The following CXCR4 variants were observed in gnomAD, a reference collection of about 807,000 sequenced individuals.
CXCR4 encodes C-X-C chemokine receptor type 4.
CXCR4 carries 6 observed loss-of-function variants against 22.4 expected under a neutral mutation model. That is an observed-to-expected ratio of 0.27 (90% CI 0.15 to 0.53). CXCR4 has a LOEUF of 0.53. Ranked by LOEUF, CXCR4 falls within the 20% of genes least tolerant of loss-of-function variation. The pLI is 0.96. For synonymous variants in CXCR4, 155 were observed against 171.7 expected (o/e 0.90, Z 0.76); for missense variants, 300 against 430.4 (o/e 0.70, Z 2.68).
At chr2:136,116,066 G>A (rs1684881294) in intron 1 of CXCR4, 154 bp from the exon 2 acceptor site, 1 of 1,540,276 alleles carries the variant, frequency 6.5e-7, no homozygotes, top group African/African-American at 1.4e-5. Context: ...GAGAATTAAT[G>A]TAGAATCCTA....
chr2:136,116,196 C>A, intron 1 of CXCR4: 1 of 1,339,896 alleles, frequency 7.5e-7, no homozygotes, highest in Non-Finnish European at 9.7e-7. Context: ...TTCAAAGTCA[C>A]ATCTTGGCTA....
In CXCR4 at chr2:136,114,681, C is replaced by T. The variant is rs1480834025; in HGVS notation, c.*188G>A. ...TGGCCACAGGTCCTGCCTAGACACA[C>T]ATCAATATGAAACAAAAAAAATTTA... On this transcript the variant is annotated 3_prime_UTR_variant, in exon 2 of 2. Coordinates refer to ENST00000241393, the MANE Select transcript of CXCR4 (RefSeq NM_003467.3). 5.7e-6 allele frequency: 3 copies of T among 524,340 alleles called. No homozygotes were observed. Among genetic ancestry groups the T allele is most frequent in the Non-Finnish European group, 9.8e-6 (3 of 304,980 alleles). 32.5% of individuals were successfully genotyped at this position (524,340 alleles called of 1,614,324 possible). A position where few individuals can be genotyped will look rare whatever the true frequency, so the allele number is the denominator to read the frequency against.
intron 1 of CXCR4, among the ~76,000 whole-genome samples, chr2:136,117,340 T>C (rs1684927886): frequency 2.4e-5 from 2 of 84,516 alleles, no homozygotes; most frequent in East Asian, 3.4e-4. Flanking sequence ...AGAGGCGCGC[T>C]TCGGACGGCG....
At position 136,115,314 on chromosome 2, in the gene CXCR4, A is replaced by T. The variant is rs779132116; in HGVS notation, c.614T>A (p.Met205Lys). 1 of 1,614,226 alleles carries T rather than the reference A, an allele frequency of 6.2e-7. No homozygotes were observed. Residue 205 changes from methionine to lysine, a missense_variant, in exon 2 of 2, where the codon ATG (methionine) becomes AAG (lysine). This residue lies in a region of CXCR4 where 137 missense variants were observed against 153.2 expected (regional missense o/e 0.89). Transcript: ENST00000241393. This position sits in a 1 kb window ranked among gnomAD's most constrained non-coding sequence, Gnocchi z 6.4. ...WVVVFQFQHI[M>K]VGLILPGIVI... ...AATACCAGGCAGGATAAGGCCAACC[A>T]TGATGTGCTGAAACTGGAACACAAC... is the stretch of plus-strand genomic sequence containing the variant.
chr2:136,114,960 C>G lies in CXCR4; in HGVS notation c.968G>C (p.Gly323Ala). Residue 323 changes from glycine to alanine, a missense_variant, in exon 2 of 2, where the codon GGG becomes GCG. Physicochemically the swap from Gly to Ala is moderately conservative, Grantham distance 60. Transcript: ENST00000241393. ...AQHALTSVSR[G>A]SSLKILSKGK... ...TTTGGAGAGGATCTTGAGGCTGGAC[C>G]CTCTGCTCACAGAGGTGAGTGCGTG... 6.2e-7 allele frequency: 1 copy of G among 1,613,794 alleles called. No homozygotes were observed. Among genetic ancestry groups the G allele is most frequent in the Non-Finnish European group, 8.5e-7 (1 of 1,179,888 alleles).
chr2:136,117,983 G>C, intron 1 of CXCR4, 63 bp downstream of exon 1: 1 of 1,567,900 alleles, frequency 6.4e-7, no homozygotes, highest in South Asian at 1.1e-5. Flanking sequence ...GCTCGGAGAG[G>C]GGCTGCGCTC....
Position 136,115,153 on chromosome 2 carries a change from T to A in CXCR4, c.775A>T (p.Ile259Phe). The change falls in exon 2 of 2, where the codon ATC (isoleucine) becomes TTC (phenylalanine). Residue 259 changes from isoleucine to phenylalanine, a missense_variant. Physicochemically the swap from Ile to Phe is conservative, Grantham distance 21. This residue lies in a region of CXCR4 where 137 missense variants were observed against 153.2 expected (regional missense o/e 0.89). Coordinates refer to ENST00000241393, the MANE Select transcript of CXCR4 (RefSeq NM_003467.3). The surrounding 1 kb of genome is among the most constrained non-coding windows in gnomAD (Gnocchi z 6.4). ...AGGAGGATGAAGGAGTCGATGCTGATCCCAATGTAGTAAGGCAGCCAACAG... is the reference window on the plus strand; with the variant it reads ...AGGAGGATGAAGGAGTCGATGCTGAACCCAATGTAGTAAGGCAGCCAACAG... ...FACWLPYYIGISIDSFILLEI... is the reference protein window; with the variant it reads ...FACWLPYYIGFSIDSFILLEI... 1 of 1,614,192 alleles carries A rather than the reference T, an allele frequency of 6.2e-7. No individual in the cohort carries two copies. Among genetic ancestry groups the A allele is most frequent in the Non-Finnish European group, 8.5e-7 (1 of 1,180,022 alleles).
chr2:136,115,082 C>T lies in CXCR4; in HGVS notation c.846G>A (p.Lys282=), dbSNP rs766914563. The T allele has an allele frequency of 3.7e-6, 6 of 1,614,218 alleles. No homozygotes were observed. In the East Asian group the frequency reaches 8.9e-5, roughly 24 times the overall value. The change falls in exon 2 of 2, where the codon AAG becomes AAA. Residue 282 remains lysine, a synonymous_variant. Coordinates refer to ENST00000241393, the MANE Select transcript of CXCR4 (RefSeq NM_003467.3). This position sits in a 1 kb window ranked among gnomAD's most constrained non-coding sequence, Gnocchi z 6.4. ...CTAGGGCCTCGGTGATGGAAATCCA[C>T]TTGTGCACAGTGTTCTCAAACTCAC... ...QGCEFENTVH[K]WISITEALAF...
chr2:136,114,746 C>G lies in CXCR4; in HGVS notation c.*123G>C. 1.1e-6 allele frequency: 1 copy of G among 905,782 alleles called. No homozygotes were observed. Among genetic ancestry groups the G allele is most frequent in the South Asian group, 1.8e-5 (1 of 56,200 alleles). 56.1% of individuals were successfully genotyped at this position (905,782 alleles called of 1,614,324 possible). A position where few individuals can be genotyped will look rare whatever the true frequency, so the allele number is the denominator to read the frequency against. On this transcript the variant is annotated 3_prime_UTR_variant, in exon 2 of 2. Coordinates refer to ENST00000241393, the MANE Select transcript of CXCR4 (RefSeq NM_003467.3). ...TTAAACTTCACAAAAACTAAAGAAA[C>G]ACAAGACAAAAATCCAACAAGCAAT...
At chr2:136,116,804 G>A (rs900998051) in intron 1 of CXCR4, among the ~76,000 whole-genome samples, 1 of 152,260 alleles carries the variant, frequency 6.6e-6, no homozygotes, top group Non-Finnish European at 1.5e-5. Context: ...CCCGGCCGGA[G>A]GTGGGCAGCT....
chr2:136,117,400 G>A (rs560218129), intron 1 of CXCR4: 2 of 152,414 alleles, frequency 1.3e-5, no homozygotes, highest in East Asian at 3.9e-4. Flanking sequence ...TCAACTCCTA[G>A]CTGCTGCCAC....
intron 1 of CXCR4, 173 bp downstream of exon 1, chr2:136,117,873 C>CA: frequency 7.2e-6 from 1 of 138,276 alleles, no homozygotes; most frequent in Non-Finnish European, 1.6e-5. Flanking sequence ...TCCTGCTCCC[C>CA]CCCCACCCAC....
Position 136,114,868 on chromosome 2 carries a change from G to A in CXCR4, c.*1C>T. The A allele has an allele frequency of 6.2e-7, 1 of 1,603,514 alleles. No homozygotes were observed. Among genetic ancestry groups the A allele is most frequent in the African/African-American group, 1.3e-5 (1 of 74,734 alleles). On this transcript the variant is annotated 3_prime_UTR_variant, in exon 2 of 2. Coordinates refer to ENST00000241393, the MANE Select transcript of CXCR4 (RefSeq NM_003467.3). ...ATAAAAAAAAGTCTTTTACATCTGT[G>A]TTAGCTGGAGTGAAAACTTGAAGAC...
chr2:136,117,339 C>T (rs2104920622), intron 1 of CXCR4, among the ~76,000 whole-genome samples: 1 of 90,980 alleles, frequency 1.1e-5, no homozygotes, highest in East Asian at 3.2e-4. Context: ...AAGAGGCGCG[C>T]TTCGGACGGC....
Position 136,114,584 on chromosome 2 carries a change from T to C in CXCR4, c.*285A>G, listed in dbSNP as rs1001191197. On this transcript the variant is annotated 3_prime_UTR_variant, in exon 2 of 2. Transcript: ENST00000241393. The stretch of plus-strand genomic sequence containing the variant: ...GGGATCATTTCTAGCTTTACGTGAT[T>C]CACTACACGCTCTGGAATGTTCAGT... 9.6e-6 allele frequency: 3 copies of C among 313,260 alleles called. No homozygotes were observed. The highest frequency in any genetic ancestry group is 1.8e-5 in the Non-Finnish European group (3 of 167,072). The allele number at this position is 313,260 out of a possible 1,614,324, so 19.4% of individuals were successfully genotyped here.
At chr2:136,117,376 A>G (rs1278198284) in intron 1 of CXCR4, among the ~76,000 whole-genome samples, 2 of 151,924 alleles carry the variant, frequency 1.3e-5, no homozygotes, top group African/African-American at 4.8e-5. Context: ...TCAAACCCAA[A>G]GCGCGCGGGC....
chr2:136,115,306 G>A lies in CXCR4; in HGVS notation c.622C>T (p.Leu208Phe), dbSNP rs1347254037. Reference sequence around the variant, plus strand: ...AGGATGACAATACCAGGCAGGATAAGGCCAACCATGATGTGCTGAAACTGG... The same window carrying A: ...AGGATGACAATACCAGGCAGGATAAAGCCAACCATGATGTGCTGAAACTGG... ...VFQFQHIMVG[L>F]ILPGIVILSC... Residue 208 changes from leucine to phenylalanine, a missense_variant, in exon 2 of 2, where the codon CTT (leucine) becomes TTT (phenylalanine). By Grantham distance (22) the Leu-to-Phe change is conservative (BLOSUM62 0). Transcript: ENST00000241393. The surrounding 1 kb of genome is among the most constrained non-coding windows in gnomAD (Gnocchi z 6.4). 3 of 1,614,160 alleles carry A rather than the reference G, an allele frequency of 1.9e-6. No individual in the cohort carries two copies. Among genetic ancestry groups the A allele is most frequent in the Non-Finnish European group, 2.5e-6 (3 of 1,180,024 alleles).
rs762377247 is a variant in CXCR4, at chr2:136,115,722, A to T, written c.206T>A (p.Leu69Gln). The T allele has an allele frequency of 1.2e-6, 2 of 1,614,232 alleles. No homozygotes were observed. The highest frequency in any genetic ancestry group is 1.7e-6 in the Non-Finnish European group (2 of 1,180,050). ...CCTGTACTTGTCCGTCATGCTTCTC[A>T]GTTTCTTCTGGTAACCCATGACCAG... ...VILVMGYQKK[L>Q]RSMTDKYRLH... is the part of the protein sequence containing the mutation. The change falls in exon 2 of 2, where the codon CTG (leucine) becomes CAG (glutamine). Residue 69 changes from leucine (L) to glutamine (Q), a missense_variant. Transcript: ENST00000241393. This position sits in a 1 kb window ranked among gnomAD's most constrained non-coding sequence, Gnocchi z 6.4.
intron 1 of CXCR4, 176 bp downstream of exon 1, chr2:136,117,870 C>CCCT: frequency 1.4e-5 from 2 of 138,108 alleles, no homozygotes; most frequent in South Asian, 2.6e-4. Flanking sequence ...CAATCCTGCT[C>CCCT]CCCCCCCACC....
Sources: gnomAD v4.1 joint callset for allele counts (sites outside exome capture counted in the v4.1 genomes callset) on GRCh38, gnomAD v4.1.1 for gene constraint, gnomAD v4.1.1 regional missense constraint, Gnocchi (gnomAD v3.1) non-coding constraint, MANE v1.5 for transcripts, NCBI Gene and HGNC (gene_info 2026-07-23, HGNC 2026-07-21) for gene names.